Variants in ATAD3B observed in about 807,000 individuals in gnomAD.
ATAD3B encodes the protein ATPase family AAA domain-containing protein 3B.
ATAD3B carries 59 observed loss-of-function variants against 70.2 expected under a neutral mutation model. The ratio of observed to expected loss-of-function variants is 0.84; its 90% CI spans 0.68 to 1.04. The LOEUF (loss-of-function observed/expected upper bound fraction) is 1.04. Ranked by LOEUF, ATAD3B falls within the 50% of genes least tolerant of loss-of-function variation. The pLI is 0.00. For missense variants in ATAD3B, 961 were observed against 913.4 expected (o/e 1.05, Z -0.67); for synonymous variants, 423 against 388.6 (o/e 1.09, Z -1.04).
chr1:1,485,155 T>G lies in ATAD3B; in HGVS notation c.890T>G (p.Leu297Arg). 1.9e-6 allele frequency: 3 copies of G among 1,610,444 alleles called. No homozygotes were observed. The highest frequency in any genetic ancestry group is 2.5e-6 in the Non-Finnish European group (3 of 1,179,498). ...ETSRITVLEA[L>R]RHPIQVSRRL... is the part of the protein sequence containing the mutation. Reference sequence around the variant, plus strand: ...TCCCGCATCACGGTGCTGGAGGCGCTGCGGCACCCCATCCAGGTAGCGGCG... The same window carrying G: ...TCCCGCATCACGGTGCTGGAGGCGCGGCGGCACCCCATCCAGGTAGCGGCG... The change falls in exon 8 of 16, where the codon CTG (leucine) becomes CGG (arginine). Residue 297 changes from leucine to arginine, a missense_variant. Transcript: ENST00000673477.
At chr1:1,491,103 C>T (rs182708335) in intron 15 of ATAD3B, among the ~76,000 whole-genome samples, 13 of 151,904 alleles carry the variant, frequency 8.6e-5, no homozygotes, top group African/African-American at 1.4e-4. Flanking sequence ...TCCTGTTTGA[C>T]GGGTTCAGAC....
At chr1:1,508,260 G>A in the ATAD3B span, among the ~76,000 whole-genome samples, 26 of 151,414 alleles carry the variant, frequency 1.7e-4, 4 homozygotes, top group African/African-American at 5.2e-4. Context: ...GTCCAGCTCC[G>A]GTCAGTGTCT....
chr1:1,489,643 T>A, intron 13 of ATAD3B: 1 of 1,343,066 alleles, frequency 7.4e-7, no homozygotes, highest in East Asian at 4.4e-5. Context: ...CCCTCTTCCC[T>A]CCCAAATCCC....
At chr1:1,500,608 T>A (rs1465911515), downstream of ATAD3B, among the ~76,000 whole-genome samples, 1 of 150,600 alleles carries the variant, frequency 6.6e-6, no homozygotes, top group African/African-American at 2.4e-5. Flanking sequence ...CAGTCTAATA[T>A]ATATATATAT....
chr1:1,489,645 C>T (rs1000802277), intron 13 of ATAD3B: 4 of 1,345,636 alleles, frequency 3.0e-6, no homozygotes, highest in Non-Finnish European at 3.9e-6. Context: ...CTCTTCCCTC[C>T]CAAATCCCTT....
intron 15 of ATAD3B, among the ~76,000 whole-genome samples, chr1:1,494,272 T>C (rs141687825): frequency 0.028 from 4,256 of 152,026 alleles, 221 homozygotes; most frequent in African/African-American, 0.097. Context: ...GGGGTGGCCC[T>C]GTGAGCATCT....
chr1:1,477,862 C>T (rs1259062121), intron 2 of ATAD3B, among the ~76,000 whole-genome samples: 4 of 152,150 alleles, frequency 2.6e-5, no homozygotes, highest in African/African-American at 4.8e-5. Flanking sequence ...CGCGCCACCA[C>T]GCCTGGCTAA....
intron 1 of ATAD3B, among the ~76,000 whole-genome samples, chr1:1,475,044 G>A (rs1231037010): frequency 6.7e-6 from 1 of 148,984 alleles, no homozygotes; most frequent in African/African-American, 2.5e-5. Flanking sequence ...TACAGGCCTG[G>A]TTGAGCAGCC....
At chr1:1,495,435 G>A in intron 15 of ATAD3B, 50 bp from the exon 16 acceptor site, 2 of 1,553,580 alleles carry the variant, frequency 1.3e-6, no homozygotes, top group African/African-American at 1.4e-5. Context: ...GTGCATTAAG[G>A]GTGGCGGGTT....
chr1:1,499,505 T>TA (rs1169528758), downstream of ATAD3B, among the ~76,000 whole-genome samples: 2 of 151,806 alleles, frequency 1.3e-5, no homozygotes, highest in African/African-American at 4.8e-5. Flanking sequence ...GTGCTGGGAT[T>TA]ACAGGCGTGA....
At chr1:1,485,553 C>A (rs1557806045) in intron 8 of ATAD3B, among the ~76,000 whole-genome samples, 1 of 152,100 alleles carries the variant, frequency 6.6e-6, no homozygotes, top group Non-Finnish European at 1.5e-5. Context: ...CCACAGGTCA[C>A]TGGGTAGGTG....
At chr1:1,484,271 C>G (rs1355553305) in intron 7 of ATAD3B, 1 of 151,810 alleles carries the variant, frequency 6.6e-6, no homozygotes, top group Non-Finnish European at 1.5e-5. Context: ...AGCTTCGCCT[C>G]TTGGGTTCAC....
intron 1 of ATAD3B, among the ~76,000 whole-genome samples, chr1:1,473,966 T>C (rs1362085816): frequency 1.3e-5 from 2 of 151,988 alleles, no homozygotes; most frequent in Non-Finnish European, 1.5e-5. Flanking sequence ...TGGCCCCGGC[T>C]GGGTCTCATA....
intron 11 of ATAD3B, 144 bp from the exon 12 acceptor site, chr1:1,487,719 A>G (rs1289630283): frequency 1.9e-6 from 2 of 1,028,558 alleles, no homozygotes; most frequent in Non-Finnish European, 2.9e-6. Context: ...GCTTCTGTCG[A>G]GTCCAGGACT....
intron 11 of ATAD3B, among the ~76,000 whole-genome samples, chr1:1,487,205 C>T (rs1473286253): frequency 6.6e-6 from 1 of 151,904 alleles, no homozygotes; most frequent in African/African-American, 2.4e-5. Context: ...AAGACCTGTC[C>T]CTGCGCCAGG....
In ATAD3B at chr1:1,487,853, T is replaced by C. The variant is rs1287727157; in HGVS notation, c.1215-10T>C. The C allele has an allele frequency of 2.5e-6, 4 of 1,612,738 alleles. No homozygotes were observed. Among genetic ancestry groups the C allele is most frequent in the Admixed American group, 1.7e-5 (1 of 59,944 alleles). On this transcript the variant is annotated splice_polypyrimidine_tract_variant and intron_variant, in intron 11 of 15. Transcript: ENST00000673477. ...ACTCTCGCCTTGCTTGGCCTCTCTC[T>C]CGTTCACAGCCTCCTGCTCTTCATG...
chr1:1,485,474 A>G (rs1156577374), intron 8 of ATAD3B, among the ~76,000 whole-genome samples: 5 of 152,184 alleles, frequency 3.3e-5, no homozygotes, highest in Non-Finnish European at 7.4e-5. Context: ...GGAAGCTGCT[A>G]CAGGCCATGG....
chr1:1,473,385 T>C (rs1264340644), intron 1 of ATAD3B, among the ~76,000 whole-genome samples: 4 of 151,480 alleles, frequency 2.6e-5, no homozygotes, highest in African/African-American at 7.3e-5. Flanking sequence ...TTTGTATTTT[T>C]AGTAGAGACG....
intron 15 of ATAD3B, among the ~76,000 whole-genome samples, 156 bp from the exon 16 acceptor site, chr1:1,495,329 C>T (rs560719616): frequency 5.3e-5 from 8 of 152,174 alleles, no homozygotes; most frequent in South Asian, 4.2e-4. Flanking sequence ...TGTCCACACG[C>T]GTGCTGGGCT....
Sources: allele counts gnomAD v4.1 joint callset (sites outside exome capture counted in the v4.1 genomes callset), GRCh38; gene constraint gnomAD v4.1.1; transcripts MANE v1.5; gene names NCBI Gene and HGNC (gene_info 2026-07-23, HGNC 2026-07-21).